The following RPS6KA2 variants were observed in gnomAD, a reference collection of about 807,000 sequenced individuals.
RPS6KA2 encodes the protein ribosomal protein S6 kinase A2.
A neutral mutation model predicts 91.8 loss-of-function variants in RPS6KA2; 42 were observed. The ratio of observed to expected loss-of-function variants is 0.46; its 90% CI spans 0.36 to 0.59. The LOEUF (loss-of-function observed/expected upper bound fraction) is 0.59. Ranked by LOEUF, RPS6KA2 falls within the 20% of genes least tolerant of loss-of-function variation. The pLI, the probability that RPS6KA2 is intolerant of heterozygous loss-of-function variation, is 0.00. For missense variants in RPS6KA2, 798 were observed against 978.5 expected, an observed-to-expected ratio of 0.82 and a Z score of 2.46; for synonymous variants, 414 against 393.6, an observed-to-expected ratio of 1.05 and a Z score of -0.61.
chr6:166,487,885 C>T (rs559196961), intron 10 of RPS6KA2, among the ~76,000 whole-genome samples: 3 of 152,320 alleles, frequency 2.0e-5, no homozygotes, highest in Admixed American at 2.0e-4. Context: ...ATTAGCTTCA[C>T]TTTCAATCAC....
At position 166,418,713 on chromosome 6, in the gene RPS6KA2, G is replaced by A; in HGVS notation, c.1821-371C>T. Reference sequence around the variant, plus strand: ...AGACGTGGAGTCTGAGAGACCCACGGTGGATGTATTCCCAACTCTGTGTTC... The same window carrying A: ...AGACGTGGAGTCTGAGAGACCCACGATGGATGTATTCCCAACTCTGTGTTC... On this transcript the variant is annotated intron_variant, in intron 18 of 20. Transcript: ENST00000265678. The surrounding 1 kb of genome is among the most constrained non-coding windows in gnomAD (Gnocchi z 4.9). Among the ~76,000 whole-genome samples the A allele has an allele frequency of 6.6e-6, 1 of 152,264 alleles. No homozygotes were observed.
chr6:166,763,026 G>A (rs1425346130), intron 2 of RPS6KA2, among the ~76,000 whole-genome samples: 2 of 152,228 alleles, frequency 1.3e-5, no homozygotes, highest in African/African-American at 2.4e-5. Flanking sequence ...ACTACAAGGT[G>A]GGGTCTGTGA....
At position 166,421,594 on chromosome 6, in the gene RPS6KA2, T is replaced by C. The variant is rs911203312; in HGVS notation, c.1744-1636A>G. 2.6e-5 allele frequency among the ~76,000 whole-genome samples: 4 copies of C among 152,092 alleles called. No individual in the cohort carries two copies. In the East Asian group the frequency reaches 7.7e-4, roughly 29 times the overall value. ...CAGCCCCTGGAGACCCTAACCCTCT[T>C]CCTTTGTCTTGCCAGGTCTCTAAAA... On this transcript the variant is annotated intron_variant, in intron 17 of 20. Transcript: ENST00000265678.
chr6:166,731,752 C>T (rs971931118), intron 2 of RPS6KA2, among the ~76,000 whole-genome samples: 1 of 152,016 alleles, frequency 6.6e-6, no homozygotes, highest in Admixed American at 6.5e-5. Context: ...TGTACACTTA[C>T]GCCCAAACCT....
intron 2 of RPS6KA2, among the ~76,000 whole-genome samples, chr6:166,741,948 G>A (rs1790829289): frequency 6.6e-6 from 1 of 152,148 alleles, no homozygotes; most frequent in Admixed American, 6.5e-5. Context: ...CCAACATAGT[G>A]AAACCCCCGT....
intron 2 of RPS6KA2, among the ~76,000 whole-genome samples, chr6:166,857,740 T>C (rs1290085927): frequency 6.6e-6 from 1 of 152,186 alleles, no homozygotes; most frequent in African/African-American, 2.4e-5. Flanking sequence ...CTCCGTCCAC[T>C]GGAAAGGCAA....
chr6:166,738,379 G>A (rs1390915933), intron 2 of RPS6KA2, among the ~76,000 whole-genome samples: 5 of 152,146 alleles, frequency 3.3e-5, no homozygotes, highest in Admixed American at 6.5e-5. Context: ...GGAAGGCCTC[G>A]GGGGGATGGT....
chr6:166,668,400 C>T (rs1055316451), intron 2 of RPS6KA2, among the ~76,000 whole-genome samples: 3 of 152,156 alleles, frequency 2.0e-5, no homozygotes, highest in Non-Finnish European at 2.9e-5. Context: ...GAGCGTCAGA[C>T]GTGAGGCTGT....
chr6:166,505,823 G>A (rs559770653), intron 5 of RPS6KA2, among the ~76,000 whole-genome samples: 5 of 152,328 alleles, frequency 3.3e-5, no homozygotes, highest in African/African-American at 7.2e-5. Flanking sequence ...TTTCTAGATC[G>A]GTTAAGGTGC....
intron 2 of RPS6KA2, among the ~76,000 whole-genome samples, chr6:166,755,289 G>A (rs1410639485): frequency 2.0e-5 from 3 of 151,910 alleles, no homozygotes; most frequent in Admixed American, 6.6e-5. Flanking sequence ...TAGCCTTACC[G>A]CCCCAGCCTA....
chr6:166,450,085 AC>A (rs1779830475), intron 13 of RPS6KA2, among the ~76,000 whole-genome samples: 1 of 104,510 alleles, frequency 9.6e-6, no homozygotes, highest in Non-Finnish European at 2.2e-5. Flanking sequence ...CATGGGTACC[AC>A]CGGGGAACCA....
chr6:166,459,956 T>C lies in RPS6KA2; in HGVS notation c.973-405A>G, dbSNP rs984594108. ...ACTGGGGACAGCAGTGAAGAGGCCGTGTGGCTCTCTCCTCCCTGCCCTGGG... is the reference window on the plus strand; with the variant it reads ...ACTGGGGACAGCAGTGAAGAGGCCGCGTGGCTCTCTCCTCCCTGCCCTGGG... On this transcript the variant is annotated intron_variant, in intron 11 of 20. Transcript: ENST00000265678. This position sits in a 1 kb window ranked among gnomAD's most constrained non-coding sequence, Gnocchi z 4.9. Among the ~76,000 whole-genome samples the C allele has an allele frequency of 3.9e-5, 6 of 152,150 alleles. No homozygotes were observed. Among genetic ancestry groups the C allele is most frequent in the African/African-American group, 1.4e-4 (6 of 41,430 alleles).
intron 2 of RPS6KA2, among the ~76,000 whole-genome samples, chr6:166,805,110 A>C (rs866475193): frequency 6.6e-6 from 1 of 152,352 alleles, no homozygotes. Flanking sequence ...GAAGGCTTGC[A>C]TCTCACAGGG....
At chr6:166,454,055 G>C (rs896682742) in intron 12 of RPS6KA2, among the ~76,000 whole-genome samples, 4 of 152,196 alleles carry the variant, frequency 2.6e-5, no homozygotes, top group South Asian at 4.1e-4. Context: ...TGGAGACGTG[G>C]AAGGGTGGGA....
intron 2 of RPS6KA2, among the ~76,000 whole-genome samples, chr6:166,532,479 GA>G (rs1433386111): frequency 6.6e-6 from 1 of 152,222 alleles, no homozygotes; most frequent in African/African-American, 2.4e-5. Context: ...CAGGCATGTG[GA>G]TTCACGGAGT....
chr6:166,423,437 G>A lies in RPS6KA2; in HGVS notation c.1582-20C>T, dbSNP rs373846555. 3.8e-6 allele frequency: 6 copies of A among 1,596,702 alleles called. No homozygotes were observed. The highest frequency in any genetic ancestry group is 5.1e-6 in the Non-Finnish European group (6 of 1,166,406). ...AACAACCTGCAAGACAGAAGGCACA[G>A]TGCCTACTTGGGGGCTGAGGACTGA... On this transcript the variant is annotated intron_variant, in intron 16 of 20. Coordinates refer to ENST00000265678, the MANE Select transcript of RPS6KA2 (RefSeq NM_021135.6). The surrounding 1 kb of genome is among the most constrained non-coding windows in gnomAD (Gnocchi z 4.8).
intron 1 of RPS6KA2, among the ~76,000 whole-genome samples, chr6:166,616,347 T>C (rs2128537000): frequency 6.6e-6 from 1 of 152,196 alleles, no homozygotes; most frequent in South Asian, 2.1e-4. Flanking sequence ...GACGCATGGA[T>C]CACAGGCAAC....
chr6:166,680,165 C>A (rs1562378880), intron 2 of RPS6KA2, among the ~76,000 whole-genome samples: 1 of 152,070 alleles, frequency 6.6e-6, no homozygotes. Context: ...AATCAGCACT[C>A]TGTGTCTAGC....
At chr6:166,582,392 C>T (rs1785049470) in intron 1 of RPS6KA2, among the ~76,000 whole-genome samples, 1 of 152,208 alleles carries the variant, frequency 6.6e-6, no homozygotes, top group South Asian at 2.1e-4. Context: ...GGAGAGTGAA[C>T]ATGTGTTAAA....
Sources: allele counts gnomAD v4.1 joint callset (sites outside exome capture counted in the v4.1 genomes callset), GRCh38; gene constraint gnomAD v4.1.1; non-coding constraint Gnocchi (gnomAD v3.1); transcripts MANE v1.5; gene names NCBI Gene and HGNC (gene_info 2026-07-23, HGNC 2026-07-21).